The following LRBA variants were observed in gnomAD, a reference collection of about 807,000 sequenced individuals.
LRBA encodes LPS responsive beige-like anchor protein.
Under a neutral mutation model 330.0 loss-of-function variants are expected in LRBA, and 176 were observed. The observed-to-expected ratio is 0.53, with a 90% confidence interval of 0.47 to 0.60. The LOEUF (loss-of-function observed/expected upper bound fraction) is 0.60. Among genes scored for constraint, LRBA ranks in the 20% least tolerant of loss-of-function variants. The probability of loss-of-function intolerance (pLI) is 0.00; values close to 1 mark genes in which losing one functional copy is unlikely to be tolerated. For missense variants in LRBA, 3,259 were observed against 3,444.8 expected, an observed-to-expected ratio of 0.95 and a Z score of 1.35; for synonymous variants, 1,230 against 1,193.0, an observed-to-expected ratio of 1.03 and a Z score of -0.64.
At chr4:150,659,079 C>T (rs1176198529) in intron 37 of LRBA, among the ~76,000 whole-genome samples, 1 of 137,254 alleles carries the variant, frequency 7.3e-6, no homozygotes, top group Non-Finnish European at 1.6e-5. Flanking sequence ...ACCCACACCT[C>T]CCAGCCGCCT....
chr4:150,683,835 C>A, intron 36 of LRBA, 118 bp from the exon 37 acceptor site: 1 of 667,376 alleles, frequency 1.5e-6, no homozygotes, highest in Non-Finnish European at 2.5e-6. Flanking sequence ...CTTTTACATT[C>A]CTCATTCACC....
At chr4:150,598,275 T>C (rs953859311) in intron 38 of LRBA, among the ~76,000 whole-genome samples, 5 of 152,102 alleles carry the variant, frequency 3.3e-5, no homozygotes, top group African/African-American at 1.2e-4. Flanking sequence ...TATATCTTAA[T>C]TGACTTTCAA....
At chr4:150,682,830 TTC>T (rs1288754929) in intron 37 of LRBA, among the ~76,000 whole-genome samples, 12 of 152,136 alleles carry the variant, frequency 7.9e-5, no homozygotes, top group African/African-American at 2.4e-4. Context: ...AATAAAAACT[TTC>T]TGTCATTAAC....
At chr4:150,574,075 A>G (rs1278587302) in intron 40 of LRBA, among the ~76,000 whole-genome samples, 1 of 151,972 alleles carries the variant, frequency 6.6e-6, no homozygotes. Context: ...TATTTAAGGG[A>G]AAAAAACATA....
intron 2 of LRBA, among the ~76,000 whole-genome samples, chr4:151,004,153 C>T (rs1270941262): frequency 1.3e-5 from 2 of 152,086 alleles, no homozygotes; most frequent in South Asian, 2.1e-4. Context: ...ATTCTCTGCC[C>T]GGCCTCCCAA....
At chr4:150,948,664 G>A (rs1183098337) in intron 2 of LRBA, among the ~76,000 whole-genome samples, 4 of 151,862 alleles carry the variant, frequency 2.6e-5, no homozygotes, top group African/African-American at 9.7e-5. Context: ...AGGATGAAAT[G>A]GCAAGCTACA....
At chr4:150,476,921 T>C (rs1056354853) in intron 42 of LRBA, among the ~76,000 whole-genome samples, 3 of 152,178 alleles carry the variant, frequency 2.0e-5, no homozygotes, top group East Asian at 1.9e-4. Context: ...CTCTTGCTGA[T>C]TGCCATCAGT....
chr4:150,851,852 A>G, intron 23 of LRBA, 33 bp downstream of exon 23: 9 of 1,539,738 alleles, frequency 5.8e-6, no homozygotes, highest in Non-Finnish European at 7.0e-6. Context: ...ACTCAGTGCA[A>G]AAGTACTTGA....
intron 47 of LRBA, among the ~76,000 whole-genome samples, chr4:150,377,415 T>C (rs909625059): frequency 4.6e-5 from 7 of 152,298 alleles, no homozygotes; most frequent in Admixed American, 1.3e-4. Flanking sequence ...GTAACACTCA[T>C]AAAACTATAT....
chr4:150,731,367 T>C (rs1439414731), intron 36 of LRBA, among the ~76,000 whole-genome samples: 1 of 152,164 alleles, frequency 6.6e-6, no homozygotes, highest in African/African-American at 2.4e-5. Context: ...CTGTTTACAA[T>C]GGCTAAGATT....
At chr4:150,937,685 G>A (rs758248352) in intron 2 of LRBA, among the ~76,000 whole-genome samples, 1 of 152,096 alleles carries the variant, frequency 6.6e-6, no homozygotes, top group African/African-American at 2.4e-5. Context: ...CTTCAGGGTG[G>A]CATAACATGC....
intron 46 of LRBA, among the ~76,000 whole-genome samples, chr4:150,418,195 T>C (rs570511995): frequency 6.6e-6 from 1 of 152,204 alleles, no homozygotes; most frequent in South Asian, 2.1e-4. Flanking sequence ...TTTTTTAATT[T>C]TTTGCAGTGA....
chr4:150,587,800 T>C (rs1252299473), intron 40 of LRBA, among the ~76,000 whole-genome samples: 1 of 152,148 alleles, frequency 6.6e-6, no homozygotes, highest in Non-Finnish European at 1.5e-5. Flanking sequence ...CGGAGGTTCC[T>C]TCCCCTCCTC....
intron 48 of LRBA, among the ~76,000 whole-genome samples, chr4:150,339,147 G>A (rs1188812164): frequency 6.6e-6 from 1 of 151,850 alleles, no homozygotes; most frequent in African/African-American, 2.4e-5. Flanking sequence ...CAAATATGAT[G>A]GGAAAAATGA....
chr4:150,921,131 G>A (rs995285454), intron 5 of LRBA, 67 bp downstream of exon 5: 5 of 1,023,674 alleles, frequency 4.9e-6, no homozygotes, highest in Non-Finnish European at 7.7e-6. Flanking sequence ...GGTGTTCACA[G>A]GGCTGTACTT....
At chr4:150,281,492 T>C (rs1747526153) in intron 55 of LRBA, among the ~76,000 whole-genome samples, 1 of 152,144 alleles carries the variant, frequency 6.6e-6, no homozygotes, top group Admixed American at 6.5e-5. Flanking sequence ...CAGTATTTAC[T>C]TAGGAGAAGG....
chr4:150,796,978 T>C (rs538742900), intron 34 of LRBA, among the ~76,000 whole-genome samples: 67 of 152,068 alleles, frequency 4.4e-4, no homozygotes, highest in African/African-American at 5.1e-4. Context: ...GATTAAATTA[T>C]AGAACATGAT....
intron 2 of LRBA, among the ~76,000 whole-genome samples, chr4:150,973,762 G>A (rs1739844570): frequency 6.6e-6 from 1 of 152,166 alleles, no homozygotes; most frequent in Non-Finnish European, 1.5e-5. Flanking sequence ...CGAGGCTGAA[G>A]CGAGAAGATC....
intron 47 of LRBA, among the ~76,000 whole-genome samples, chr4:150,385,329 T>G (rs1382195784): frequency 2.0e-5 from 3 of 152,008 alleles, no homozygotes; most frequent in Non-Finnish European, 2.9e-5. Flanking sequence ...ATACAAAAAA[T>G]CTGCATTATA....
Sources: gnomAD v4.1 joint callset for allele counts (sites outside exome capture counted in the v4.1 genomes callset) on GRCh38, gnomAD v4.1.1 for gene constraint, MANE v1.5 for transcripts, NCBI Gene and HGNC (gene_info 2026-07-23, HGNC 2026-07-21) for gene names.